The following CFL1 variants were observed in gnomAD, a reference collection of about 807,000 sequenced individuals.
The protein encoded by CFL1 is cofilin 1.
A neutral mutation model predicts 16.3 loss-of-function variants in CFL1; 2 were observed. The ratio of observed to expected loss-of-function variants is 0.12; its 90% CI spans 0.05 to 0.39. The LOEUF (loss-of-function observed/expected upper bound fraction) is 0.39, where lower values mean the gene tolerates loss of function less well. Among genes scored for constraint, CFL1 ranks in the 10% least tolerant of loss-of-function variants. The pLI is 0.99. For synonymous variants in CFL1, 111 were observed against 84.4 expected (o/e 1.31, Z -1.73); for missense variants, 75 against 212.2 (o/e 0.35, Z 4.02).
chr11:65,855,551 A>C lies in CFL1; in HGVS notation c.388+103T>G, dbSNP rs1859370448. 6 of 1,550,818 alleles carry C rather than the reference A, an allele frequency of 3.9e-6. No homozygotes were observed. In the South Asian group the frequency reaches 5.7e-5, roughly 15 times the overall value. On this transcript the variant is annotated intron_variant, in intron 3 of 3. Transcript: ENST00000308162. The stretch of plus-strand genomic sequence containing the variant: ...ATCAAAGCAGATGGAAGGAACAAGC[A>C]GGCAGCGAAGACAAGGGGGCAGACC...
Position 65,855,001 on chromosome 11 carries a change from A to T in CFL1, c.*335T>A. 1 of 317,004 alleles carries T rather than the reference A, an allele frequency of 3.2e-6. No individual in the cohort carries two copies. Among genetic ancestry groups the T allele is most frequent in the Non-Finnish European group, 6.2e-6 (1 of 161,916 alleles). The allele number at this position is 317,004 out of a possible 1,614,324, so 19.6% of individuals were successfully genotyped here. On this transcript the variant is annotated 3_prime_UTR_variant, in exon 4 of 4. Coordinates refer to ENST00000308162, the MANE Select transcript of CFL1 (RefSeq NM_005507.3). The stretch of plus-strand genomic sequence containing the variant: ...ACTATTGCGGTTAGAAGTTGGCAGC[A>T]TGGGAAGGGGGAGGACCAGGTGGGG...
At chr11:65,857,449 T>C (rs1031969486) in intron 1 of CFL1, 5 of 429,862 alleles carry the variant, frequency 1.2e-5, no homozygotes, top group Non-Finnish European at 2.4e-5. Flanking sequence ...CGCAGCTCGT[T>C]AGATGCGCTC....
intron 1 of CFL1, 56 bp downstream of exon 1, chr11:65,858,041 C>T: frequency 6.6e-7 from 1 of 1,513,724 alleles, no homozygotes; most frequent in South Asian, 1.2e-5. Flanking sequence ...TCGCTTCCCG[C>T]GCGCAGGCGA....
intron 2 of CFL1, 68 bp from the exon 3 acceptor site, chr11:65,855,798 T>C: frequency 2.6e-6 from 4 of 1,515,114 alleles, no homozygotes; most frequent in Non-Finnish European, 3.6e-6. Flanking sequence ...GAGAAACCCT[T>C]GGGCTGGCAG....
chr11:65,857,860 C>T (rs939721231), intron 1 of CFL1: 9 of 310,760 alleles, frequency 2.9e-5, no homozygotes, highest in Non-Finnish European at 4.1e-5. Flanking sequence ...TCCGCGCGGG[C>T]GCACCAGCGG....
intron 1 of CFL1, chr11:65,856,913 T>C (rs1379541027): frequency 6.5e-6 from 1 of 153,122 alleles, no homozygotes; most frequent in Non-Finnish European, 1.5e-5. Flanking sequence ...GGCCTCGAGG[T>C]CTTTAAACTC....
intron 3 of CFL1, 34 bp from the exon 4 acceptor site, chr11:65,855,482 G>T: frequency 1.2e-6 from 2 of 1,601,822 alleles, no homozygotes; most frequent in Non-Finnish European, 1.7e-6. Context: ...CTGTGAGCAG[G>T]AAGCACTGGG....
In CFL1 at chr11:65,854,983, C is replaced by G; in HGVS notation, c.*353G>C. 2 of 302,590 alleles carry G rather than the reference C, an allele frequency of 6.6e-6. No homozygotes were observed. The highest frequency in any genetic ancestry group is 1.3e-5 in the Non-Finnish European group (2 of 153,176). The allele number at this position is 302,590 out of a possible 1,614,324, so 18.7% of individuals were successfully genotyped here. ...ACAGACAAGCACAGAGTCACTATTG[C>G]GGTTAGAAGTTGGCAGCATGGGAAG... On this transcript the variant is annotated 3_prime_UTR_variant, in exon 4 of 4. Coordinates refer to ENST00000308162, the MANE Select transcript of CFL1 (RefSeq NM_005507.3).
intron 1 of CFL1, chr11:65,856,517 G>A (rs1471745832): frequency 4.9e-6 from 2 of 404,356 alleles, no homozygotes; most frequent in Non-Finnish European, 4.5e-6. Context: ...ACCAAAATGT[G>A]AACCCAGAAT....
intron 1 of CFL1, chr11:65,857,591 C>G: frequency 4.7e-6 from 1 of 214,714 alleles, no homozygotes; most frequent in South Asian, 3.5e-5. Flanking sequence ...ACCCGCCCCT[C>G]CCGGGCGCAG....
intron 3 of CFL1, 85 bp downstream of exon 3, chr11:65,855,569 G>A (rs1859371109): frequency 1.9e-6 from 3 of 1,551,566 alleles, no homozygotes; most frequent in South Asian, 1.2e-5. Flanking sequence ...AAGACAAGGG[G>A]GCAGACCCCC....
At chr11:65,857,239 G>C (rs768236076) in intron 1 of CFL1, 2 of 263,552 alleles carry the variant, frequency 7.6e-6, no homozygotes, top group Non-Finnish European at 1.6e-5. Flanking sequence ...CTCAGCCCTC[G>C]GGCCGTATAC....
Position 65,856,159 on chromosome 11 carries a change from C to T in CFL1, c.87G>A (p.Val29=). 6.2e-7 allele frequency: 1 copy of T among 1,614,218 alleles called. No individual in the cohort carries two copies. The highest frequency in any genetic ancestry group is 8.5e-7 in the Non-Finnish European group (1 of 1,180,040). Reference sequence around the variant, plus strand: ...AGAGCACCGCCTTCTTGCGCTTCTTCACCTCCTCTGGCGTTGAAGACTTAC... The same window carrying T: ...AGAGCACCGCCTTCTTGCGCTTCTTTACCTCCTCTGGCGTTGAAGACTTAC... The part of the protein sequence containing the change: ...KVRKSSTPEE[V]KKRKKAVLFC... The change falls in exon 2 of 4, where the codon GTG becomes GTA. Residue 29 remains valine (V), a synonymous_variant. Transcript: ENST00000308162.
intron 1 of CFL1, chr11:65,856,541 G>C (rs1355961131): frequency 2.8e-6 from 1 of 363,270 alleles, no homozygotes; most frequent in Non-Finnish European, 5.2e-6. Flanking sequence ...AAGATCCACC[G>C]GCTACTGACT....
At position 65,855,276 on chromosome 11, in the gene CFL1, G is replaced by A; in HGVS notation, c.*60C>T. 2 of 1,440,524 alleles carry A rather than the reference G, an allele frequency of 1.4e-6. No homozygotes were observed. Among genetic ancestry groups the A allele is most frequent in the Admixed American group, 1.7e-5 (1 of 59,264 alleles). The allele number at this position is 1,440,524 out of a possible 1,614,324, so 89.2% of individuals were successfully genotyped here. ...CGGTCTGGCAGGAAGGGGGCAGCCT[G>A]CAACCCCCAAGGGCAGGTGTGGGGC... On this transcript the variant is annotated 3_prime_UTR_variant, in exon 4 of 4. Transcript: ENST00000308162.
At chr11:65,857,898 C>T in intron 1 of CFL1, 199 bp downstream of exon 1, 4 of 386,882 alleles carry the variant, frequency 1.0e-5, no homozygotes, top group Non-Finnish European at 1.3e-5. Context: ...AGGCGGAGCG[C>T]GAGCGACGTC....
At position 65,854,980 on chromosome 11, in the gene CFL1, T is replaced by C. The variant is rs780226459; in HGVS notation, c.*356A>G. The C allele has an allele frequency of 9.9e-6, 3 of 303,926 alleles. No individual in the cohort carries two copies. The highest frequency in any genetic ancestry group is 6.3e-5 in the South Asian group (2 of 31,758). 18.8% of individuals were successfully genotyped at this position (303,926 alleles called of 1,614,324 possible). A position where few individuals can be genotyped will look rare whatever the true frequency, so the allele number is the denominator to read the frequency against. ...TAAACAGACAAGCACAGAGTCACTATTGCGGTTAGAAGTTGGCAGCATGGG... is the reference window on the plus strand; with the variant it reads ...TAAACAGACAAGCACAGAGTCACTACTGCGGTTAGAAGTTGGCAGCATGGG... On this transcript the variant is annotated 3_prime_UTR_variant, in exon 4 of 4. Transcript: ENST00000308162.
intron 1 of CFL1, 103 bp from the exon 2 acceptor site, chr11:65,856,345 T>C (rs1859385079): frequency 8.8e-7 from 1 of 1,140,080 alleles, no homozygotes. Context: ...ACTAGTGCCC[T>C]TCCCAAGGCA....
Position 65,855,096 on chromosome 11 carries a change from T to C in CFL1, c.*240A>G. 4.2e-6 allele frequency: 2 copies of C among 477,622 alleles called. No individual in the cohort carries two copies. Among genetic ancestry groups the C allele is most frequent in the Non-Finnish European group, 7.7e-6 (2 of 261,404 alleles). 29.6% of individuals were successfully genotyped at this position (477,622 alleles called of 1,614,324 possible). A position where few individuals can be genotyped will look rare whatever the true frequency, so the allele number is the denominator to read the frequency against. Reference sequence around the variant, plus strand: ...GGTGCCTGGGGGGAACTTGGTCTGCTTCAGCCCAAGAGGAATCAAAAGATC... The same window carrying C: ...GGTGCCTGGGGGGAACTTGGTCTGCCTCAGCCCAAGAGGAATCAAAAGATC... On this transcript the variant is annotated 3_prime_UTR_variant, in exon 4 of 4. Transcript: ENST00000308162.
Sources: gnomAD v4.1 joint callset for allele counts on GRCh38, gnomAD v4.1.1 for gene constraint, MANE v1.5 for transcripts, NCBI Gene and HGNC (gene_info 2026-07-23, HGNC 2026-07-21) for gene names.